Variants in UBE2V2 observed in about 807,000 individuals in gnomAD.
UBE2V2 encodes the protein ubiquitin conjugating enzyme E2 V2, also known as ubiquitin-conjugating enzyme E2 variant 2.
In UBE2V2, 9 loss-of-function variants were observed where a neutral mutation model predicts 17.2. The ratio of observed to expected loss-of-function variants is 0.52; its 90% CI spans 0.32 to 0.91. The LOEUF is 0.91. Among genes scored for constraint, UBE2V2 ranks in the 40% least tolerant of loss-of-function variants. UBE2V2 has a pLI of 0.04. For synonymous variants in UBE2V2, 61 were observed against 57.5 expected (o/e 1.06, Z -0.28); for missense variants, 133 against 182.6 (o/e 0.73, Z 1.56).
chr8:48,034,412 A>C (rs2091406702), intron 1 of UBE2V2, among the ~76,000 whole-genome samples: 1 of 152,160 alleles, frequency 6.6e-6, no homozygotes, highest in Non-Finnish European at 1.5e-5. Context: ...GGCGTGAGCC[A>C]CCGCACTTGC....
chr8:48,052,353 A>G (rs2091544216), intron 3 of UBE2V2, among the ~76,000 whole-genome samples: 1 of 152,206 alleles, frequency 6.6e-6, no homozygotes, highest in Non-Finnish European at 1.5e-5. Flanking sequence ...TAAATTAAGT[A>G]ACTAATGGTG....
intron 1 of UBE2V2, among the ~76,000 whole-genome samples, chr8:48,009,543 G>A (rs1031255468): frequency 2.4e-4 from 37 of 152,112 alleles, no homozygotes; most frequent in African/African-American, 8.7e-4. Context: ...TGGAATTACA[G>A]GTGTGAGCCA....
intron 3 of UBE2V2, among the ~76,000 whole-genome samples, chr8:48,053,384 A>G (rs2154508054): frequency 6.6e-6 from 1 of 152,076 alleles, no homozygotes; most frequent in Admixed American, 6.6e-5. Flanking sequence ...TAGCTTTGTC[A>G]AATGTTAACA....
At chr8:48,034,921 C>T in intron 1 of UBE2V2, 1 of 637,208 alleles carries the variant, frequency 1.6e-6, no homozygotes, top group Non-Finnish European at 2.0e-6. Context: ...GCCCGGGACG[C>T]CTTGCTCCCC....
the UBE2V2 span, among the ~76,000 whole-genome samples, chr8:48,000,061 C>A: frequency 1.3e-5 from 2 of 152,228 alleles, no homozygotes; most frequent in African/African-American, 4.8e-5. Context: ...CAGGCCCAGG[C>A]CATGGCACCA....
chr8:48,038,481 A>G (rs1477091549), intron 1 of UBE2V2, among the ~76,000 whole-genome samples: 1 of 151,294 alleles, frequency 6.6e-6, no homozygotes, highest in African/African-American at 2.4e-5. Context: ...ATGCCCAGCT[A>G]ATTTTTTTTT....
intron 1 of UBE2V2, among the ~76,000 whole-genome samples, chr8:48,011,163 C>T (rs980434251): frequency 4.6e-5 from 7 of 151,988 alleles, no homozygotes; most frequent in African/African-American, 1.4e-4. Context: ...TGAGCTACAT[C>T]GATGTAATGC....
chr8:48,030,481 G>A (rs546521403), intron 1 of UBE2V2, among the ~76,000 whole-genome samples: 1 of 152,320 alleles, frequency 6.6e-6, no homozygotes, highest in Non-Finnish European at 1.5e-5. Context: ...AGCATGTTGG[G>A]AGGCCCAGGC....
intron 1 of UBE2V2, among the ~76,000 whole-genome samples, chr8:48,009,034 A>C (rs2091207607): frequency 6.6e-6 from 1 of 152,188 alleles, no homozygotes; most frequent in Non-Finnish European, 1.5e-5. Context: ...ACTGCAGTGC[A>C]AACAAAATAA....
chr8:48,052,318 T>C (rs2091544036), intron 3 of UBE2V2, among the ~76,000 whole-genome samples: 1 of 152,212 alleles, frequency 6.6e-6, no homozygotes, highest in Non-Finnish European at 1.5e-5. Flanking sequence ...TCCACTACTG[T>C]TTTGTTTTTA....
intron 1 of UBE2V2, 42 bp downstream of exon 1, chr8:48,008,512 C>T (rs375417919): frequency 5.2e-6 from 8 of 1,552,864 alleles, no homozygotes; most frequent in Non-Finnish European, 6.1e-6. Context: ...CGCTCCGACC[C>T]GGCTCTGCCC....
intron 1 of UBE2V2, among the ~76,000 whole-genome samples, chr8:48,023,077 G>A (rs925321695): frequency 1.3e-5 from 2 of 151,986 alleles, no homozygotes; most frequent in African/African-American, 4.8e-5. Flanking sequence ...CTTTGTCTTT[G>A]ATCTTTGACA....
At chr8:48,017,810 C>G (rs2091279605) in intron 1 of UBE2V2, among the ~76,000 whole-genome samples, 1 of 147,556 alleles carries the variant, frequency 6.8e-6, no homozygotes, top group Non-Finnish European at 1.5e-5. Context: ...ATGCCATTGA[C>G]TTTTCTTCCT....
At chr8:48,013,178 T>G (rs2091245376) in intron 1 of UBE2V2, among the ~76,000 whole-genome samples, 1 of 152,092 alleles carries the variant, frequency 6.6e-6, no homozygotes, top group African/African-American at 2.4e-5. Flanking sequence ...TATGGTACAC[T>G]TGTCACAATT....
At chr8:48,045,946 TTTTG>T (rs1200945957) in intron 2 of UBE2V2, among the ~76,000 whole-genome samples, 23 of 152,156 alleles carry the variant, frequency 1.5e-4, no homozygotes, top group African/African-American at 5.3e-4. Context: ...AGGAAGACTT[TTTTG>T]TTTGTTTGTT....
At chr8:48,051,923 C>G (rs779097860) in intron 3 of UBE2V2, among the ~76,000 whole-genome samples, 10 of 152,202 alleles carry the variant, frequency 6.6e-5, no homozygotes, top group Non-Finnish European at 1.5e-4. Flanking sequence ...ACCTGAGAGT[C>G]TCTCCAGCCC....
At chr8:48,026,268 G>A (rs1182056532) in intron 1 of UBE2V2, among the ~76,000 whole-genome samples, 1 of 151,944 alleles carries the variant, frequency 6.6e-6, no homozygotes, top group Non-Finnish European at 1.5e-5. Flanking sequence ...CTTATGAAGT[G>A]GTTACTAAAA....
chr8:48,013,116 A>C (rs536252765), intron 1 of UBE2V2, among the ~76,000 whole-genome samples: 1 of 152,192 alleles, frequency 6.6e-6, no homozygotes, highest in Non-Finnish European at 1.5e-5. Context: ...AAGTGCTGGG[A>C]TCACTGGTGT....
chr8:48,017,252 T>G (rs1036161186), intron 1 of UBE2V2, among the ~76,000 whole-genome samples: 3 of 152,230 alleles, frequency 2.0e-5, no homozygotes, highest in Non-Finnish European at 4.4e-5. Context: ...TTCAGATCTT[T>G]TACCCATTTT....
Sources: allele counts gnomAD v4.1 joint callset (sites outside exome capture counted in the v4.1 genomes callset), GRCh38; gene constraint gnomAD v4.1.1; transcripts MANE v1.5; gene names NCBI Gene and HGNC (gene_info 2026-07-23, HGNC 2026-07-21).